CARMIL1: variants seen among roughly 807,000 people sequenced by gnomAD.
CARMIL1 encodes the protein capping protein regulator and myosin 1 linker 1.
In CARMIL1, 90 loss-of-function variants were observed where a neutral mutation model predicts 177.1. That is an observed-to-expected ratio of 0.51 (90% CI 0.43 to 0.61). The LOEUF (loss-of-function observed/expected upper bound fraction) is 0.61. Among genes scored for constraint, CARMIL1 ranks in the 20% least tolerant of loss-of-function variants. The probability of loss-of-function intolerance (pLI) is 0.00; values close to 1 mark genes in which losing one functional copy is unlikely to be tolerated. For synonymous variants in CARMIL1, 577 were observed against 606.2 expected (o/e 0.95, Z 0.71); for missense variants, 1,380 against 1,667.0 (o/e 0.83, Z 3.00).
At chr6:25,585,751 T>C (rs935182159) in intron 31 of CARMIL1, among the ~76,000 whole-genome samples, 4 of 152,076 alleles carry the variant, frequency 2.6e-5, no homozygotes, top group African/African-American at 4.8e-5. Context: ...GTGATGACTC[T>C]TAAGGAGCAT....
chr6:25,412,996 A>G (rs1795053185), intron 2 of CARMIL1, among the ~76,000 whole-genome samples: 1 of 152,206 alleles, frequency 6.6e-6, no homozygotes, highest in Admixed American at 6.5e-5. Flanking sequence ...GATGTTCATC[A>G]TAGCTGAGTA....
chr6:25,369,557 C>T (rs992825167), intron 2 of CARMIL1, among the ~76,000 whole-genome samples: 18 of 152,044 alleles, frequency 1.2e-4, no homozygotes, highest in African/African-American at 4.1e-4. Flanking sequence ...TGCCACCTCT[C>T]ACCACTTCCT....
At chr6:25,375,973 C>A (rs1049362517) in intron 2 of CARMIL1, among the ~76,000 whole-genome samples, 2 of 152,064 alleles carry the variant, frequency 1.3e-5, no homozygotes, top group African/African-American at 4.8e-5. Context: ...CTTTTGAATT[C>A]TTTATCTGGT....
intron 12 of CARMIL1, among the ~76,000 whole-genome samples, chr6:25,484,501 TC>T (rs2150977978): frequency 6.6e-6 from 1 of 152,372 alleles, no homozygotes; most frequent in East Asian, 1.9e-4. Context: ...GTCAGTGTTT[TC>T]AGACCTATTG....
At chr6:25,398,975 C>A (rs187948928) in intron 2 of CARMIL1, among the ~76,000 whole-genome samples, 1 of 152,162 alleles carries the variant, frequency 6.6e-6, no homozygotes, top group African/African-American at 2.4e-5. Flanking sequence ...AATCATGGTA[C>A]CTTCCTCATG....
rs1468695649 is a variant in CARMIL1, at chr6:25,619,712, G to A, written c.*129G>A. On this transcript the variant is annotated 3_prime_UTR_variant, in exon 37 of 37. Transcript: ENST00000329474. ...TTATTCTCTTCTTTTTCTTTATTTCGCCCCCACCCCCATCCCCTGCCTTTT... is the reference window on the plus strand; with the variant it reads ...TTATTCTCTTCTTTTTCTTTATTTCACCCCCACCCCCATCCCCTGCCTTTT... The A allele has an allele frequency of 2.9e-5, 15 of 526,178 alleles. No homozygotes were observed. In the East Asian group the frequency reaches 5.3e-4, roughly 19 times the overall value. 32.6% of individuals were successfully genotyped at this position (526,178 alleles called of 1,614,324 possible). A position where few individuals can be genotyped will look rare whatever the true frequency, so the allele number is the denominator to read the frequency against.
chr6:25,402,008 T>C (rs1488686958), intron 2 of CARMIL1, among the ~76,000 whole-genome samples: 1 of 152,044 alleles, frequency 6.6e-6, no homozygotes, highest in Non-Finnish European at 1.5e-5. Flanking sequence ...TTTTTTTCAT[T>C]TTCAATTAAT....
intron 2 of CARMIL1, chr6:25,393,404 A>C (rs1160842908): frequency 2.0e-5 from 3 of 151,904 alleles, no homozygotes; most frequent in Non-Finnish European, 4.4e-5. Context: ...TAAAAATACA[A>C]AATTAGCTGG....
chr6:25,279,719 T>C lies in CARMIL1; in HGVS notation c.-77T>C. 7.1e-7 allele frequency: 1 copy of C among 1,408,836 alleles called. No homozygotes were observed. Among genetic ancestry groups the C allele is most frequent in the South Asian group, 1.2e-5 (1 of 86,930 alleles). 87.3% of individuals were successfully genotyped at this position (1,408,836 alleles called of 1,614,324 possible). ...AGCTGCATCTGCCTCTCTAAAAAAATTGAGGAGTTCGGGGAAGGGCAGGGG... is the reference window on the plus strand; with the variant it reads ...AGCTGCATCTGCCTCTCTAAAAAAACTGAGGAGTTCGGGGAAGGGCAGGGG... On this transcript the variant is annotated 5_prime_UTR_variant, in exon 1 of 37. Coordinates refer to ENST00000329474, the MANE Select transcript of CARMIL1 (RefSeq NM_017640.6).
At chr6:25,417,546 T>A (rs769958797) in intron 2 of CARMIL1, among the ~76,000 whole-genome samples, 2 of 152,218 alleles carry the variant, frequency 1.3e-5, no homozygotes, top group African/African-American at 4.8e-5. Flanking sequence ...TCCTTCAAGC[T>A]GAGAGCTTTG....
intron 8 of CARMIL1, among the ~76,000 whole-genome samples, chr6:25,455,039 C>G (rs770376351): frequency 8.5e-5 from 13 of 152,178 alleles, no homozygotes; most frequent in Non-Finnish European, 1.9e-4. Flanking sequence ...GAGTCATTCT[C>G]ATATGTATAC....
intron 11 of CARMIL1, among the ~76,000 whole-genome samples, chr6:25,480,949 T>C (rs1802069565): frequency 6.6e-6 from 1 of 152,080 alleles, no homozygotes; most frequent in Non-Finnish European, 1.5e-5. Flanking sequence ...CTCGATCTCC[T>C]GACCTTGTGA....
chr6:25,390,320 A>ATATAT (rs1554184839), intron 2 of CARMIL1, among the ~76,000 whole-genome samples: 3 of 58,104 alleles, frequency 5.2e-5, no homozygotes, highest in South Asian at 6.4e-4. Context: ...ATATATATAT[A>ATATAT]TTTTTTTTTT....
At chr6:25,496,472 C>CAAA (rs34420791) in intron 16 of CARMIL1, among the ~76,000 whole-genome samples, 11 of 101,464 alleles carry the variant, frequency 1.1e-4, no homozygotes, top group East Asian at 5.7e-4. Flanking sequence ...GACTCCATCT[C>CAAA]AAAAAAAAAA....
intron 4 of CARMIL1, among the ~76,000 whole-genome samples, chr6:25,431,331 C>G (rs984454395): frequency 2.6e-5 from 4 of 151,842 alleles, no homozygotes; most frequent in African/African-American, 9.7e-5. Context: ...TTAAAATTGT[C>G]AAAATTGTCA....
chr6:25,334,256 A>G (rs537787828), intron 2 of CARMIL1, among the ~76,000 whole-genome samples: 18 of 152,326 alleles, frequency 1.2e-4, no homozygotes, highest in African/African-American at 4.3e-4. Flanking sequence ...GGACACACAG[A>G]GTACCTTGGT....
At chr6:25,510,367 T>C in intron 18 of CARMIL1, 140 bp from the exon 19 acceptor site, 1 of 564,458 alleles carries the variant, frequency 1.8e-6, no homozygotes, top group Non-Finnish European at 3.1e-6. Flanking sequence ...CCTTTGAAAA[T>C]AAAAGATTAG....
chr6:25,475,562 A>G (rs73734011), intron 11 of CARMIL1, among the ~76,000 whole-genome samples: 26,002 of 152,214 alleles, frequency 0.17, 2,446 homozygotes, highest in South Asian at 0.26. Flanking sequence ...GAAACAATCC[A>G]AATGTTCATC....
At chr6:25,460,570 C>G (rs774250686) in intron 8 of CARMIL1, among the ~76,000 whole-genome samples, 13 of 152,090 alleles carry the variant, frequency 8.5e-5, no homozygotes, top group Non-Finnish European at 1.5e-4. Flanking sequence ...GAAGTACTTC[C>G]TAGGCACTTG....
Sources: allele counts gnomAD v4.1 joint callset (sites outside exome capture counted in the v4.1 genomes callset), GRCh38; gene constraint gnomAD v4.1.1; transcripts MANE v1.5; gene names NCBI Gene and HGNC (gene_info 2026-07-23, HGNC 2026-07-21).